Variants in MICAL3 observed in about 807,000 individuals in gnomAD.
MICAL3 encodes the protein microtubule associated monooxygenase, calponin and LIM domain containing 3.
A neutral mutation model predicts 207.4 loss-of-function variants in MICAL3; 62 were observed. That is an observed-to-expected ratio of 0.30 (90% CI 0.24 to 0.37). MICAL3 has a LOEUF of 0.37. Among genes scored for constraint, MICAL3 ranks in the 10% least tolerant of loss-of-function variants. The pLI, the probability that MICAL3 is intolerant of heterozygous loss-of-function variation, is 1.00. For missense variants in MICAL3, 2,368 were observed against 2,635.6 expected (o/e 0.90, Z 2.22); for synonymous variants, 1,077 against 1,069.3 (o/e 1.01, Z -0.14).
At chr22:17,837,009 A>T (rs1182219367) in intron 20 of MICAL3, among the ~76,000 whole-genome samples, 1 of 152,184 alleles carries the variant, frequency 6.6e-6, no homozygotes, top group Non-Finnish European at 1.5e-5. Context: ...ACCTGCTCAT[A>T]ATCAGAGGGA....
intron 22 of MICAL3, among the ~76,000 whole-genome samples, chr22:17,825,836 G>A (rs1369746441): frequency 2.0e-5 from 3 of 152,090 alleles, no homozygotes; most frequent in African/African-American, 7.2e-5. Flanking sequence ...GTAGCCCCTC[G>A]GTGAGAAACA....
chr22:17,998,821 G>A (rs145562152), intron 1 of MICAL3, among the ~76,000 whole-genome samples: 1 of 152,032 alleles, frequency 6.6e-6, no homozygotes, highest in South Asian at 2.1e-4. Flanking sequence ...CAAAGTGCTG[G>A]GATTACAGGT....
intron 19 of MICAL3, among the ~76,000 whole-genome samples, chr22:17,844,831 T>C (rs1389771032): frequency 2.0e-5 from 3 of 152,184 alleles, no homozygotes; most frequent in Non-Finnish European, 4.4e-5. Flanking sequence ...CTAGAGGTAA[T>C]GGCAGAAAAG....
intron 22 of MICAL3, among the ~76,000 whole-genome samples, chr22:17,824,922 C>T (rs1922014245): frequency 6.6e-6 from 1 of 152,234 alleles, no homozygotes; most frequent in Non-Finnish European, 1.5e-5. Flanking sequence ...AAAGGAGGAA[C>T]AAACGCCCCG....
chr22:17,962,605 C>T (rs987680328), intron 1 of MICAL3, among the ~76,000 whole-genome samples: 25 of 148,194 alleles, frequency 1.7e-4, no homozygotes, highest in African/African-American at 6.0e-4. Context: ...AGAACTGCAG[C>T]AGTGGGAACC....
intron 1 of MICAL3, among the ~76,000 whole-genome samples, chr22:17,940,698 C>T (rs936557589): frequency 6.6e-6 from 1 of 152,060 alleles, no homozygotes; most frequent in Non-Finnish European, 1.5e-5. Context: ...GAGAGAGGAT[C>T]AGAAAGGGAA....
intron 1 of MICAL3, among the ~76,000 whole-genome samples, chr22:17,977,042 ATCCGCCCACC>A (rs1343359397): frequency 2.0e-5 from 3 of 151,962 alleles, no homozygotes; most frequent in Non-Finnish European, 4.4e-5. Context: ...TGACCTTGTG[ATCCGCCCACC>A]TCCGCCTCCC....
At chr22:17,877,878 G>A (rs551703212) in intron 16 of MICAL3, among the ~76,000 whole-genome samples, 60 of 149,568 alleles carry the variant, frequency 4.0e-4, no homozygotes, top group East Asian at 3.8e-3. Flanking sequence ...TGATTCTGTC[G>A]CCCTGGCTCT....
In MICAL3 at chr22:17,871,747, G is replaced by T. The variant is rs533360175; in HGVS notation, c.2428+90C>A. The T allele has an allele frequency of 2.1e-5, 25 of 1,202,246 alleles. No individual in the cohort carries two copies. The South Asian group carries it at 2.7e-4, about 13-fold the overall frequency. The allele number at this position is 1,202,246 out of a possible 1,614,324, so 74.5% of individuals were successfully genotyped here. A position where few individuals can be genotyped will look rare whatever the true frequency, so the allele number is the denominator to read the frequency against. ...GATGGAAAAGACGCACATGGAATAA[G>T]GCAGGAAGGGGCCCAAAGGCGCCCA... is the stretch of plus-strand genomic sequence containing the variant. On this transcript the variant is annotated intron_variant, in intron 17 of 31. Transcript: ENST00000441493.
chr22:17,862,768 A>G, intron 19 of MICAL3: 1 of 985,466 alleles, frequency 1.0e-6, no homozygotes, highest in Non-Finnish European at 1.2e-6. Flanking sequence ...CCTGATTCTG[A>G]GCTGCCGGAC....
At chr22:17,923,683 C>G (rs995174835) in intron 1 of MICAL3, among the ~76,000 whole-genome samples, 3 of 152,322 alleles carry the variant, frequency 2.0e-5, no homozygotes, top group Admixed American at 6.5e-5. Context: ...CCTGCTGGCT[C>G]TGGGATACAC....
rs1407781727 is a variant in MICAL3 at position 17,887,333 on chromosome 22, C to T, written c.1994G>A (p.Arg665His). ...GACTCCTCCACATACCTTGGGAGAA[C>T]GCTTCCGAGAGATGGTCTGGCCAAG... ...SKLGQTISRK[R>H]SPKDKKEKDL... Residue 665 changes from arginine (R) to histidine (H), a missense_variant, in exon 14 of 32, where the codon CGT (arginine) becomes CAT (histidine). This residue lies in a region of MICAL3 where 1,770 missense variants were observed against 1,863.2 expected (regional missense o/e 0.95). Transcript: ENST00000441493. 6.2e-7 allele frequency: 1 copy of T among 1,613,624 alleles called. No homozygotes were observed. Among genetic ancestry groups the T allele is most frequent in the South Asian group, 1.1e-5 (1 of 91,046 alleles).
chr22:18,007,578 G>C (rs1923467717), intron 1 of MICAL3, among the ~76,000 whole-genome samples: 1 of 152,068 alleles, frequency 6.6e-6, no homozygotes, highest in Admixed American at 6.6e-5. Context: ...TTCCAGGCCT[G>C]AGCCACTATG....
chr22:17,948,910 C>T (rs1304654212), intron 1 of MICAL3, among the ~76,000 whole-genome samples: 1 of 32,468 alleles, frequency 3.1e-5, no homozygotes, highest in Non-Finnish European at 5.7e-5. Context: ...GAGATGCTGC[C>T]TCAAAAAAAA....
chr22:18,006,083 T>C (rs901848211), intron 1 of MICAL3: 7 of 152,334 alleles, frequency 4.6e-5, no homozygotes, highest in African/African-American at 1.7e-4. Flanking sequence ...TCTTTTCTCA[T>C]CCCCAGAGAG....
intron 1 of MICAL3, among the ~76,000 whole-genome samples, chr22:18,000,937 A>G (rs2146488271): frequency 1.3e-5 from 2 of 152,136 alleles, no homozygotes; most frequent in East Asian, 3.9e-4. Flanking sequence ...GACTCCGGTA[A>G]AGACAGAGAC....
At chr22:17,968,051 A>G (rs968909118) in intron 1 of MICAL3, among the ~76,000 whole-genome samples, 1 of 150,420 alleles carries the variant, frequency 6.6e-6, no homozygotes, top group Admixed American at 6.6e-5. Flanking sequence ...CAAAAAAAAA[A>G]AAGAGTAAAA....
At chr22:17,991,163 C>T (rs982363433) in intron 1 of MICAL3, among the ~76,000 whole-genome samples, 3 of 152,216 alleles carry the variant, frequency 2.0e-5, no homozygotes, top group Admixed American at 2.0e-4. Flanking sequence ...GCACCTAGAT[C>T]CATGTGCCGC....
intron 1 of MICAL3, among the ~76,000 whole-genome samples, chr22:18,003,787 T>A (rs1923198425): frequency 6.6e-6 from 1 of 151,978 alleles, no homozygotes. Context: ...TTTTTTTTTT[T>A]TAAGATGGAG....
Sources: allele counts gnomAD v4.1 joint callset (sites outside exome capture counted in the v4.1 genomes callset), GRCh38; gene constraint gnomAD v4.1.1; regional missense constraint gnomAD v4.1.1; transcripts MANE v1.5; gene names NCBI Gene and HGNC (gene_info 2026-07-23, HGNC 2026-07-21).